The following ARFGEF2 variants were observed in gnomAD, a reference collection of about 807,000 sequenced individuals.
The protein encoded by ARFGEF2 is brefeldin A-inhibited guanine nucleotide-exchange protein 2.
ARFGEF2 carries 74 observed loss-of-function variants against 219.9 expected under a neutral mutation model. The observed-to-expected ratio is 0.34, with a 90% CI of 0.28 to 0.41. The LOEUF (loss-of-function observed/expected upper bound fraction) is 0.41, where lower values mean the gene tolerates loss of function less well. ARFGEF2 is among the 10% of genes least tolerant of loss of function. ARFGEF2 has a pLI of 1.00. For synonymous variants in ARFGEF2, 733 were observed against 799.2 expected (o/e 0.92, Z 1.40); for missense variants, 1,743 against 2,218.3 (o/e 0.79, Z 4.30).
chr20:49,026,584 CT>C (rs540361594), intron 36 of ARFGEF2, among the ~76,000 whole-genome samples: 537 of 131,504 alleles, frequency 4.1e-3, no homozygotes, highest in African/African-American at 8.2e-3. Context: ...TTTACCATTA[CT>C]TTTTTTTTTT....
chr20:48,999,746 T>TAA (rs761792091), intron 25 of ARFGEF2, among the ~76,000 whole-genome samples: 1,340 of 111,268 alleles, frequency 0.012, 35 homozygotes, highest in African/African-American at 0.04. Context: ...GACTCCGTCT[T>TAA]AAAAAAAAAA....
At chr20:49,010,483 C>G (rs1017308262) in intron 27 of ARFGEF2, 79 bp downstream of exon 27, 15 of 1,538,054 alleles carry the variant, frequency 9.8e-6, no homozygotes, top group Middle Eastern at 3.4e-4. Flanking sequence ...ATTTTACTAC[C>G]TACAGGGGCT....
intron 38 of ARFGEF2, 123 bp from the exon 39 acceptor site, chr20:49,032,900 T>C (rs1056418322): frequency 4.9e-6 from 5 of 1,029,672 alleles, no homozygotes; most frequent in Admixed American, 2.1e-5. Flanking sequence ...GCCCCAACTT[T>C]CTAATAGCAA....
chr20:48,939,156 G>A (rs936017968), intron 1 of ARFGEF2, among the ~76,000 whole-genome samples: 5 of 151,782 alleles, frequency 3.3e-5, no homozygotes, highest in African/African-American at 9.7e-5. Flanking sequence ...CATATTTTTA[G>A]TAGAGATGGG....
At chr20:48,937,025 CAT>C (rs2090962804) in intron 1 of ARFGEF2, among the ~76,000 whole-genome samples, 1 of 152,104 alleles carries the variant, frequency 6.6e-6, no homozygotes, top group South Asian at 2.1e-4. Context: ...TAGGTTGGGC[CAT>C]ATGAGACTAC....
At chr20:49,031,287 T>C (rs2091633073) in intron 37 of ARFGEF2, among the ~76,000 whole-genome samples, 1 of 137,964 alleles carries the variant, frequency 7.2e-6, no homozygotes, top group Admixed American at 8.3e-5. Context: ...TGGAGTGCAG[T>C]GGTGCAATCT....
rs543006277 is a variant in ARFGEF2 at position 48,953,312 on chromosome 20, A to G, written c.604-244A>G. 3.3e-5 allele frequency among the ~76,000 whole-genome samples: 5 copies of G among 151,816 alleles called. No individual in the cohort carries two copies. In the East Asian group the frequency reaches 5.8e-4, roughly 18 times the overall value. ...CACCTCAACCTCCCAAGTAGCTGGGACTACAGGCATGTGCCACCACACCCA... is the reference window on the plus strand; with the variant it reads ...CACCTCAACCTCCCAAGTAGCTGGGGCTACAGGCATGTGCCACCACACCCA... On this transcript the variant is annotated intron_variant, in intron 5 of 38. Coordinates refer to ENST00000371917, the MANE Select transcript of ARFGEF2 (RefSeq NM_006420.3).
At chr20:48,957,686 A>G (rs2091113832) in intron 6 of ARFGEF2, among the ~76,000 whole-genome samples, 1 of 152,212 alleles carries the variant, frequency 6.6e-6, no homozygotes, top group Non-Finnish European at 1.5e-5. Context: ...TCTGAGACCT[A>G]TCCAAGGCTG....
intron 1 of ARFGEF2, among the ~76,000 whole-genome samples, chr20:48,936,305 C>T (rs2090956649): frequency 2.0e-5 from 3 of 149,872 alleles, no homozygotes; most frequent in East Asian, 2.0e-4. Flanking sequence ...GGGCTGACCC[C>T]CCCCACCTCC....
Position 48,963,865 on chromosome 20 carries a change from A to G in ARFGEF2, c.874A>G (p.Ile292Val), listed in dbSNP as rs759549446. 4 of 1,614,030 alleles carry G rather than the reference A, an allele frequency of 2.5e-6. No homozygotes were observed. The highest frequency in any genetic ancestry group is 1.7e-5 in the Admixed American group (1 of 60,012). The change falls in exon 7 of 39, where the codon ATC becomes GTC. Residue 292 changes from isoleucine (I) to valine (V), a missense_variant. Around this residue, in one of 5 missense-constraint regions of ARFGEF2, gnomAD observed 394 missense variants for 426.6 expected, o/e 0.92. Coordinates refer to ENST00000371917, the MANE Select transcript of ARFGEF2 (RefSeq NM_006420.3). ...CGGAGCCCAGGAGGTGGTGAAGGAC[A>G]TCTTGGAAGATGTAGTCACATCTGC... ...DDGAQEVVKD[I>V]LEDVVTSAIK...
At position 48,952,034 on chromosome 20, in the gene ARFGEF2, A is replaced by G. The variant is rs574687029; in HGVS notation, c.423+565A>G. 6.3e-4 allele frequency among the ~76,000 whole-genome samples: 96 copies of G among 151,288 alleles called. 1 individual carries two copies. Among genetic ancestry groups the G allele is most frequent in the African/African-American group, 2.0e-3 (83 of 41,202 alleles). On this transcript the variant is annotated intron_variant, in intron 4 of 38. Coordinates refer to ENST00000371917, the MANE Select transcript of ARFGEF2 (RefSeq NM_006420.3). ...TGGGAAACTGACCACATCGAAACGT[A>G]TATTTTCTGATTAATCTGGGTGAGA...
chr20:48,942,430 A>G (rs972189041), intron 3 of ARFGEF2, among the ~76,000 whole-genome samples: 4 of 147,928 alleles, frequency 2.7e-5, no homozygotes, highest in South Asian at 2.2e-4. Flanking sequence ...GTTTATAGGC[A>G]TGAGCCACCA....
rs1022688 is a variant in ARFGEF2 at position 49,032,319 on chromosome 20, G to A, written c.5181+153G>A. ...AGATGCATTGGAGAGAAGTTAATCC[G>A]TTATGGACAATGGGTGCCACAGGAT... is the stretch of plus-strand genomic sequence containing the variant. On this transcript the variant is annotated intron_variant, in intron 38 of 38. Coordinates refer to ENST00000371917, the MANE Select transcript of ARFGEF2 (RefSeq NM_006420.3). Among the ~76,000 whole-genome samples, 55,583 of 151,826 alleles carry A rather than the reference G, an allele frequency of 0.37. 10,914 individuals carry two copies. Among genetic ancestry groups the A allele is most frequent in the African/African-American group, 0.53 (21,839 of 41,302 alleles).
In ARFGEF2 at chr20:48,990,992, C is replaced by A; in HGVS notation, c.2815-48C>A. 4 of 1,593,178 alleles carry A rather than the reference C, an allele frequency of 2.5e-6. No homozygotes were observed. In the East Asian group the frequency reaches 9.1e-5, roughly 36 times the overall value. On this transcript the variant is annotated intron_variant, in intron 20 of 38. Coordinates refer to ENST00000371917, the MANE Select transcript of ARFGEF2 (RefSeq NM_006420.3). ...CCAGCCCTGCAGATGTGAGAATGGC[C>A]ACACTAAGGTTGGAGTCACAGTGTT...
At chr20:48,969,023 C>T (rs2091208766) in intron 8 of ARFGEF2, 124 bp from the exon 9 acceptor site, 4 of 872,262 alleles carry the variant, frequency 4.6e-6, no homozygotes, top group Non-Finnish European at 7.5e-6. Flanking sequence ...TGCAATGGTG[C>T]CATCATGGCT....
Position 48,951,348 on chromosome 20 carries a change from C to G in ARFGEF2, c.302C>G (p.Thr101Ser). ...LQKLIAYGHITGNAPDSGAPG... is the reference protein window; with the variant it reads ...LQKLIAYGHISGNAPDSGAPG... ...AAACTCATCGCATACGGGCACATCA[C>G]TGGCAACGCCCCTGACAGTGGAGCC... Residue 101 changes from threonine to serine, a missense_variant, in exon 4 of 39, where the codon ACT (threonine) becomes AGT (serine). Physicochemically the swap from Thr to Ser is moderately conservative, Grantham distance 58 (BLOSUM62 1). This residue lies in a region of ARFGEF2 where 394 missense variants were observed against 426.6 expected (regional missense o/e 0.92). Coordinates refer to ENST00000371917, the MANE Select transcript of ARFGEF2 (RefSeq NM_006420.3). The G allele has an allele frequency of 6.2e-7, 1 of 1,614,200 alleles. No individual in the cohort carries two copies. The highest frequency in any genetic ancestry group is 1.7e-5 in the Admixed American group (1 of 60,008).
chr20:49,033,173 C>T lies in ARFGEF2; in HGVS notation c.5332C>T (p.Pro1778Ser). ...GATACCAGAAGAGCCATCACAGGTA[C>T]CAGCAGCACTGTCACCAGTGTGGTA... ...IWIPEEPSQV[P>S]AALSPVW Residue 1778 changes from proline (P) to serine (S), a missense_variant, in exon 39 of 39, where the codon CCA becomes TCA. Physicochemically the swap from Pro to Ser is moderately conservative, Grantham distance 74 (BLOSUM62 -1). Around this residue, in one of 5 missense-constraint regions of ARFGEF2, gnomAD observed 578 missense variants for 664.0 expected, o/e 0.87. Coordinates refer to ENST00000371917, the MANE Select transcript of ARFGEF2 (RefSeq NM_006420.3). The T allele has an allele frequency of 6.2e-7, 1 of 1,614,174 alleles. No homozygotes were observed. Among genetic ancestry groups the T allele is most frequent in the Non-Finnish European group, 8.5e-7 (1 of 1,180,034 alleles).
chr20:49,000,779 T>C (rs2091420497), intron 25 of ARFGEF2, among the ~76,000 whole-genome samples: 2 of 152,192 alleles, frequency 1.3e-5, no homozygotes, highest in African/African-American at 4.8e-5. Flanking sequence ...TGGTAAACGT[T>C]TTCCCAACTC....
At chr20:49,030,945 T>C (rs781414538) in intron 37 of ARFGEF2, among the ~76,000 whole-genome samples, 3 of 152,158 alleles carry the variant, frequency 2.0e-5, no homozygotes, top group Non-Finnish European at 4.4e-5. Flanking sequence ...TGAGCCAAGA[T>C]TGTGCTGTTG....
Sources: gnomAD v4.1 joint callset for allele counts (sites outside exome capture counted in the v4.1 genomes callset) on GRCh38, gnomAD v4.1.1 for gene constraint, gnomAD v4.1.1 regional missense constraint, MANE v1.5 for transcripts, NCBI Gene and HGNC (gene_info 2026-07-23, HGNC 2026-07-21) for gene names.